Variants in PCSK5 observed in about 807,000 individuals in gnomAD.
The protein encoded by PCSK5 is proprotein convertase subtilisin/kexin type 5.
PCSK5 carries 129 observed loss-of-function variants against 233.2 expected under a neutral mutation model. The observed-to-expected ratio is 0.55, with a 90% CI of 0.48 to 0.64. The LOEUF is 0.64. PCSK5 is among the 30% of genes least tolerant of loss of function. The probability of loss-of-function intolerance (pLI) is 0.00; values close to 1 mark genes in which losing one functional copy is unlikely to be tolerated. For missense variants in PCSK5, 2,076 were observed against 2,430.1 expected (o/e 0.85, Z 3.06); for synonymous variants, 825 against 879.2 (o/e 0.94, Z 1.09).
At chr9:76,262,750 T>C (rs987144301) in intron 24 of PCSK5, among the ~76,000 whole-genome samples, 4 of 150,372 alleles carry the variant, frequency 2.7e-5, no homozygotes, top group Non-Finnish European at 5.9e-5. Flanking sequence ...CCAAAAGCAA[T>C]GGCAACAAAA....
chr9:76,297,748 C>A (rs2131417391), intron 27 of PCSK5, among the ~76,000 whole-genome samples: 1 of 152,292 alleles, frequency 6.6e-6, no homozygotes, highest in African/African-American at 2.4e-5. Flanking sequence ...CACTTCGGTG[C>A]AAAGGCAACG....
intron 35 of PCSK5, among the ~76,000 whole-genome samples, chr9:76,340,785 C>G (rs568991932): frequency 1.1e-3 from 164 of 151,900 alleles, no homozygotes; most frequent in African/African-American, 3.7e-3. Flanking sequence ...GCCTCTTTGA[C>G]TCTATGTGAG....
chr9:76,025,283 A>G (rs1399742695), intron 4 of PCSK5, among the ~76,000 whole-genome samples: 1 of 152,116 alleles, frequency 6.6e-6, no homozygotes, highest in Non-Finnish European at 1.5e-5. Context: ...GCAGTGGCTC[A>G]CACCTGTAAT....
At position 76,184,697 on chromosome 9, in the gene PCSK5, G is replaced by A. The variant is rs1824024390; in HGVS notation, c.2222G>A (p.Ser741Asn). 2 of 1,611,088 alleles carry A rather than the reference G, an allele frequency of 1.2e-6. No individual in the cohort carries two copies. Among genetic ancestry groups the A allele is most frequent in the Non-Finnish European group, 1.7e-6 (2 of 1,177,996 alleles). ...GAGAAAAATCTTTGCCGGAAATGCA[G>A]TGAAAACTGCAAGACATGTACTGAA... ...DTKKNLCRKCSENCKTCTEFH... is the reference protein window; with the variant it reads ...DTKKNLCRKCNENCKTCTEFH... The change falls in exon 17 of 38, where the codon AGT becomes AAT. Residue 741 changes from serine to asparagine, a missense_variant. Around this residue, in one of 6 missense-constraint regions of PCSK5, gnomAD observed 1,510 missense variants for 1,538.1 expected, o/e 0.98. Transcript: ENST00000674117.
At chr9:76,046,155 C>CTTTTTTTTTTT (rs1829362984) in intron 5 of PCSK5, among the ~76,000 whole-genome samples, 5 of 55,710 alleles carry the variant, frequency 9.0e-5, no homozygotes, top group East Asian at 5.5e-4. Flanking sequence ...ATAATTTTTT[C>CTTTTTTTTTTT]TTTTGTTTTT....
intron 2 of PCSK5, among the ~76,000 whole-genome samples, 170 bp from the exon 3 acceptor site, chr9:75,985,962 C>G (rs1384948694): frequency 1.3e-5 from 2 of 151,836 alleles, no homozygotes; most frequent in South Asian, 4.2e-4. Context: ...AAAAAAAAGC[C>G]CTGGGTTTCT....
rs150535140 is a variant in PCSK5, at chr9:76,224,090, C to T, written c.2627-3413C>T. On this transcript the variant is annotated intron_variant, in intron 20 of 37. Coordinates refer to ENST00000674117, the MANE Select transcript of PCSK5 (RefSeq NM_001372043.1). The stretch of plus-strand genomic sequence containing the variant: ...ACAGTTTAGTTGTCTTACACTGACG[C>T]TCTTACATAAGCTTCAAGGTCATGA... Among the ~76,000 whole-genome samples the T allele has an allele frequency of 4.1e-4, 63 of 152,286 alleles. 1 individual carries two copies. Among genetic ancestry groups the T allele is most frequent in the East Asian group, 3.3e-3 (17 of 5,178 alleles).
intron 24 of PCSK5, among the ~76,000 whole-genome samples, chr9:76,280,624 T>C (rs1028952167): frequency 1.3e-5 from 2 of 151,966 alleles, no homozygotes; most frequent in Non-Finnish European, 2.9e-5. Flanking sequence ...TAGTCCCAGC[T>C]ACATGGTGGG....
At chr9:76,103,442 AG>A (rs1223273692) in intron 8 of PCSK5, among the ~76,000 whole-genome samples, 4 of 152,198 alleles carry the variant, frequency 2.6e-5, no homozygotes, top group African/African-American at 9.7e-5. Flanking sequence ...TTGCTATAAA[AG>A]CTTGTCACTT....
chr9:76,103,751 G>T (rs1422286918), intron 8 of PCSK5, among the ~76,000 whole-genome samples: 2 of 152,128 alleles, frequency 1.3e-5, no homozygotes, highest in African/African-American at 2.4e-5. Context: ...CTGGCTCAGG[G>T]CCTGGTGTCC....
intron 21 of PCSK5, among the ~76,000 whole-genome samples, chr9:76,231,712 T>C (rs1826091015): frequency 6.6e-6 from 1 of 152,172 alleles, no homozygotes; most frequent in African/African-American, 2.4e-5. Context: ...GCTGGGATAT[T>C]CCCCTTTGGC....
At chr9:76,040,610 A>G (rs1418948197) in intron 5 of PCSK5, among the ~76,000 whole-genome samples, 4 of 152,176 alleles carry the variant, frequency 2.6e-5, no homozygotes. Context: ...AGAGGAAGAA[A>G]GTAAAATTGA....
chr9:75,994,400 CTTTTTTTTTTTTTTTTTTTT>C (rs550518074), intron 3 of PCSK5, among the ~76,000 whole-genome samples: 1,589 of 81,450 alleles, frequency 0.02, 3 homozygotes, highest in South Asian at 0.024. Flanking sequence ...TTCTTTCTTT[CTTTTTTTTTTTTTTTTTTTT>C]TTTTTTTTTT....
At chr9:75,891,444 A>G in intron 1 of PCSK5, 71 bp downstream of exon 1, 1 of 1,220,280 alleles carries the variant, frequency 8.2e-7, no homozygotes, top group Non-Finnish European at 1.1e-6. Context: ...CTCTGCGTGG[A>G]ACCCCCTCCC....
rs147960303 is a variant in PCSK5, at chr9:76,278,537, C to G, written c.3143-13696C>G. On this transcript the variant is annotated intron_variant, in intron 24 of 37. Coordinates refer to ENST00000674117, the MANE Select transcript of PCSK5 (RefSeq NM_001372043.1). ...ACTCAGGACCTGAGCTTTTTTTTTTCCTTAATAACATTTTTGTTTTAACCA... is the reference window on the plus strand; with the variant it reads ...ACTCAGGACCTGAGCTTTTTTTTTTGCTTAATAACATTTTTGTTTTAACCA... Among the ~76,000 whole-genome samples the G allele has an allele frequency of 6.8e-3, 1,025 of 150,704 alleles. 7 individuals are homozygous for G. Among genetic ancestry groups the G allele is most frequent in the Non-Finnish European group, 0.012 (805 of 67,606 alleles).
At position 76,037,479 on chromosome 9, in the gene PCSK5, C is replaced by A. The variant is rs1828913140; in HGVS notation, c.632+10442C>A. 3.3e-5 allele frequency among the ~76,000 whole-genome samples: 5 copies of A among 152,194 alleles called. No individual in the cohort carries two copies. The South Asian group carries it at 8.3e-4, about 25-fold the overall frequency. ...ATGTTGTTAATATTATTACAGGTGA[C>A]AGTAAGTAAAGATAAGGTTTTAGTC... is the stretch of plus-strand genomic sequence containing the variant. On this transcript the variant is annotated intron_variant, in intron 5 of 37. Coordinates refer to ENST00000674117, the MANE Select transcript of PCSK5 (RefSeq NM_001372043.1).
intron 5 of PCSK5, among the ~76,000 whole-genome samples, chr9:76,047,521 G>A (rs187690003): frequency 1.4e-3 from 216 of 152,260 alleles, no homozygotes; most frequent in Middle Eastern, 3.4e-3. Flanking sequence ...TATGGAAAGG[G>A]ACTTGCACAG....
intron 2 of PCSK5, among the ~76,000 whole-genome samples, chr9:75,943,827 A>G (rs1431300532): frequency 6.6e-6 from 1 of 152,206 alleles, no homozygotes. Context: ...CATTAAAATA[A>G]TGTCATAAAT....
At chr9:76,349,241 T>C (rs1587363801) in intron 35 of PCSK5, among the ~76,000 whole-genome samples, 1 of 131,032 alleles carries the variant, frequency 7.6e-6, no homozygotes, top group Non-Finnish European at 1.5e-5. Flanking sequence ...GCCATTGCAC[T>C]CCAGCCTGGG....
Sources: gnomAD v4.1 joint callset for allele counts (sites outside exome capture counted in the v4.1 genomes callset) on GRCh38, gnomAD v4.1.1 for gene constraint, gnomAD v4.1.1 regional missense constraint, MANE v1.5 for transcripts, NCBI Gene and HGNC (gene_info 2026-07-23, HGNC 2026-07-21) for gene names.